The following RLN2 variants were observed in gnomAD, a reference collection of about 807,000 sequenced individuals.
RLN2 encodes the protein prorelaxin H2.
In RLN2, 10 loss-of-function variants were observed where a neutral mutation model predicts 7.3. The observed-to-expected ratio is 1.36, with a 90% CI of 0.84 to 2.31. The LOEUF (loss-of-function observed/expected upper bound fraction) is 2.31. Ranked by LOEUF, RLN2 falls within the 30% of genes most tolerant of loss-of-function variation. The pLI is 0.00. For missense variants in RLN2, 298 were observed against 217.6 expected, an observed-to-expected ratio of 1.37 and a Z score of -2.32; for synonymous variants, 103 against 82.3, an observed-to-expected ratio of 1.25 and a Z score of -1.36.
At chr9:5,333,754 C>T in the RLN2 span, among the ~76,000 whole-genome samples, 3 of 151,926 alleles carry the variant, frequency 2.0e-5, no homozygotes, top group Non-Finnish European at 1.5e-5. Flanking sequence ...TGATGAACAT[C>T]GATGCAAAAA....
chr9:5,323,187 C>G, the RLN2 span, among the ~76,000 whole-genome samples: 2 of 151,916 alleles, frequency 1.3e-5, no homozygotes, highest in African/African-American at 4.8e-5. Context: ...ATTCCTTACT[C>G]TAGCTTAAGA....
upstream of RLN2, among the ~76,000 whole-genome samples, chr9:5,309,290 T>C (rs1371524823): frequency 6.6e-6 from 1 of 152,092 alleles, no homozygotes; most frequent in Non-Finnish European, 1.5e-5. Flanking sequence ...CTGCTCAGCG[T>C]TGATAGAAAA....
chr9:5,322,970 A>G, the RLN2 span, among the ~76,000 whole-genome samples: 1 of 151,716 alleles, frequency 6.6e-6, no homozygotes, highest in Non-Finnish European at 1.5e-5. Flanking sequence ...CATCTGCTTA[A>G]AGTATAATTT....
the RLN2 span, among the ~76,000 whole-genome samples, chr9:5,330,291 C>T: frequency 1.3e-5 from 2 of 151,878 alleles, no homozygotes; most frequent in Non-Finnish European, 2.9e-5. Flanking sequence ...GCACTAAATG[C>T]CCATAAAAGA....
upstream of RLN2, among the ~76,000 whole-genome samples, chr9:5,307,575 T>G (rs1382506148): frequency 2.6e-5 from 4 of 151,958 alleles, no homozygotes; most frequent in Admixed American, 2.0e-4. Flanking sequence ...TCCACGGATT[T>G]TGTGGAGGAC....
the RLN2 span, among the ~76,000 whole-genome samples, chr9:5,331,256 G>C: frequency 6.6e-6 from 1 of 151,994 alleles, no homozygotes; most frequent in African/African-American, 2.4e-5. Flanking sequence ...TATGGGGCTA[G>C]CATCATCCTG....
At chr9:5,312,722 A>G in the RLN2 span, among the ~76,000 whole-genome samples, 17 of 137,498 alleles carry the variant, frequency 1.2e-4, no homozygotes, top group South Asian at 4.3e-4. Flanking sequence ...GTTTGCTTGG[A>G]AAAAAAAAAA....
the RLN2 span, chr9:5,335,655 G>C: frequency 8.7e-5 from 89 of 1,024,262 alleles, no homozygotes; most frequent in Middle Eastern, 1.0e-3. Context: ...AGAGCATTCA[G>C]AAAAACTGTG....
At chr9:5,325,637 C>A in the RLN2 span, among the ~76,000 whole-genome samples, 1 of 151,946 alleles carries the variant, frequency 6.6e-6, no homozygotes, top group Non-Finnish European at 1.5e-5. Flanking sequence ...TTAAGCAGAG[C>A]CTTTCATCTA....
chr9:5,319,995 T>C, the RLN2 span, among the ~76,000 whole-genome samples: 1 of 151,808 alleles, frequency 6.6e-6, no homozygotes, highest in African/African-American at 2.4e-5. Context: ...CACTTTTTTT[T>C]TTTTTTTTAA....
At chr9:5,335,570 T>C in the RLN2 span, 72 of 1,609,648 alleles carry the variant, frequency 4.5e-5, no homozygotes, top group Non-Finnish European at 5.8e-5. Flanking sequence ...AGTTTCTGTA[T>C]CTTTGTTGAT....
chr9:5,306,102 GTT>G (rs57304439), upstream of RLN2, among the ~76,000 whole-genome samples: 4,849 of 123,444 alleles, frequency 0.039, 212 homozygotes, highest in African/African-American at 0.12. Flanking sequence ...CTTTGTTTTT[GTT>G]TTTTGTTTTT....
the RLN2 span, among the ~76,000 whole-genome samples, chr9:5,323,069 G>C: frequency 1.3e-5 from 2 of 151,564 alleles, no homozygotes; most frequent in Admixed American, 6.6e-5. Context: ...TCACTGGAGA[G>C]ACTTTTATCT....
chr9:5,300,366 T>C lies in RLN2; in HGVS notation c.290A>G (p.Glu97Gly). 1 of 1,613,926 alleles carries C rather than the reference T, an allele frequency of 6.2e-7. No individual in the cohort carries two copies. Among genetic ancestry groups the C allele is most frequent in the Non-Finnish European group, 8.5e-7 (1 of 1,179,902 alleles). Reference sequence around the variant, plus strand: ...CATCTCAGACAGGGTTAACTTCAGCTCCTGTGGCAAATTAGCAACAAATTC... The same window carrying C: ...CATCTCAGACAGGGTTAACTTCAGCCCCTGTGGCAAATTAGCAACAAATTC... ...MSEFVANLPQ[E>G]LKLTLSEMQP... Residue 97 changes from glutamate (E) to glycine (G), a missense_variant, in exon 2 of 2, where the codon GAG becomes GGG. Physicochemically the swap from Glu to Gly is moderately conservative, Grantham distance 98 (BLOSUM62 -2). Coordinates refer to ENST00000381627, the MANE Select transcript of RLN2 (RefSeq NM_134441.3).
chr9:5,305,359 C>CCA (rs34733616), upstream of RLN2, among the ~76,000 whole-genome samples: 6,622 of 121,784 alleles, frequency 0.054, 212 homozygotes, highest in Non-Finnish European at 0.074. Context: ...GGAGAACATA[C>CCA]CACACACACA....
At chr9:5,300,662 T>C (rs554471527) in intron 1 of RLN2, among the ~76,000 whole-genome samples, 340 of 152,294 alleles carry the variant, frequency 2.2e-3, no homozygotes, top group Non-Finnish European at 3.3e-3. Context: ...CTTTACCCCA[T>C]TGGTCCTCTC....
At chr9:5,307,306 T>C (rs992094118), upstream of RLN2, among the ~76,000 whole-genome samples, 5 of 146,782 alleles carry the variant, frequency 3.4e-5, no homozygotes, top group East Asian at 2.0e-4. Context: ...GATAGATAGA[T>C]AGATGATAGA....
the RLN2 span, among the ~76,000 whole-genome samples, chr9:5,321,790 G>C: frequency 2.6e-5 from 4 of 152,024 alleles, no homozygotes; most frequent in Non-Finnish European, 4.4e-5. Context: ...AGCTGTCCCA[G>C]GTGCTGCCCT....
chr9:5,332,387 T>G, the RLN2 span, among the ~76,000 whole-genome samples: 1 of 151,946 alleles, frequency 6.6e-6, no homozygotes, highest in Non-Finnish European at 1.5e-5. Context: ...ATAAAGAAAT[T>G]TATAGGACAA....
Sources: allele counts gnomAD v4.1 joint callset (sites outside exome capture counted in the v4.1 genomes callset), GRCh38; gene constraint gnomAD v4.1.1; transcripts MANE v1.5; gene names NCBI Gene and HGNC (gene_info 2026-07-23, HGNC 2026-07-21).